SHTN1: variants seen among roughly 807,000 people sequenced by gnomAD.
SHTN1 encodes the protein shootin-1.
SHTN1 carries 42 observed loss-of-function variants against 83.1 expected under a neutral mutation model. The observed-to-expected ratio is 0.51, with a 90% CI of 0.39 to 0.65. The LOEUF (loss-of-function observed/expected upper bound fraction) is 0.65. Among genes scored for constraint, SHTN1 ranks in the 30% least tolerant of loss-of-function variants. The pLI is 0.00. For missense variants in SHTN1, 622 were observed against 737.8 expected, an observed-to-expected ratio of 0.84 and a Z score of 1.82; for synonymous variants, 224 against 247.7, an observed-to-expected ratio of 0.90 and a Z score of 0.90.
chr10:117,052,782 G>A (rs898937231), intron 1 of SHTN1, among the ~76,000 whole-genome samples: 5 of 151,734 alleles, frequency 3.3e-5, no homozygotes, highest in Middle Eastern at 3.4e-3. Flanking sequence ...CACTTTGGGA[G>A]GCTGAGGCAG....
At chr10:117,094,340 T>C (rs1251689567) in intron 1 of SHTN1, among the ~76,000 whole-genome samples, 2 of 152,188 alleles carry the variant, frequency 1.3e-5, no homozygotes, top group Non-Finnish European at 2.9e-5. Flanking sequence ...TGTAGGAAGA[T>C]CTTACCTTGC....
At chr10:116,905,959 G>A (rs1007855966) in intron 15 of SHTN1, among the ~76,000 whole-genome samples, 5 of 152,270 alleles carry the variant, frequency 3.3e-5, no homozygotes, top group Middle Eastern at 3.4e-3. Context: ...CTCCAGACTC[G>A]CTCAGATGGT....
intron 16 of SHTN1, among the ~76,000 whole-genome samples, chr10:116,889,003 CTT>C (rs1847250704): frequency 6.6e-6 from 1 of 152,244 alleles, no homozygotes; most frequent in Admixed American, 6.5e-5. Flanking sequence ...TGGGCCCACT[CTT>C]ATGTAAGCCA....
intron 1 of SHTN1, among the ~76,000 whole-genome samples, chr10:117,110,417 T>C (rs1853748358): frequency 6.6e-6 from 1 of 152,206 alleles, no homozygotes; most frequent in Non-Finnish European, 1.5e-5. Flanking sequence ...AGTGGCACCA[T>C]CTCGGCTCAC....
intron 14 of SHTN1, among the ~76,000 whole-genome samples, chr10:116,907,108 C>A (rs1466232098): frequency 4.6e-5 from 7 of 152,122 alleles, no homozygotes; most frequent in Non-Finnish European, 1.0e-4. Context: ...ATTAAACTCA[C>A]CTTAGAAGGA....
At chr10:117,052,912 C>T (rs1361526769) in intron 1 of SHTN1, among the ~76,000 whole-genome samples, 7 of 149,630 alleles carry the variant, frequency 4.7e-5, no homozygotes, top group Admixed American at 2.0e-4. Flanking sequence ...CCCAGCTACT[C>T]GGGAGGCTGA....
intron 1 of SHTN1, among the ~76,000 whole-genome samples, chr10:117,063,442 A>G (rs915548130): frequency 6.6e-6 from 1 of 152,192 alleles, no homozygotes; most frequent in African/African-American, 2.4e-5. Flanking sequence ...ATGGTGTGGA[A>G]AATGCTTCCT....
chr10:117,039,603 C>G (rs1852552976), intron 2 of SHTN1, among the ~76,000 whole-genome samples: 1 of 151,742 alleles, frequency 6.6e-6, no homozygotes, highest in African/African-American at 2.4e-5. Flanking sequence ...GCCTATAATC[C>G]CAGCACTTTG....
upstream of SHTN1, among the ~76,000 whole-genome samples, chr10:117,009,757 A>G (rs1168304040): frequency 6.6e-6 from 1 of 152,016 alleles, no homozygotes; most frequent in East Asian, 1.9e-4. Context: ...ACAAAAAATT[A>G]GCCGGGCGTG....
upstream of SHTN1, among the ~76,000 whole-genome samples, chr10:117,009,585 T>C (rs568817527): frequency 1.3e-5 from 2 of 152,088 alleles, no homozygotes; most frequent in Admixed American, 6.6e-5. Flanking sequence ...AAAGGGTTGA[T>C]TCGGTAAGAA....
chr10:117,126,436 A>T (rs1854010301), exon 1 of SHTN1: 1 of 227,236 alleles, frequency 4.4e-6, no homozygotes, highest in East Asian at 1.5e-4. Context: ...CCTCCTTTCT[A>T]GCCCTAGCAC....
intron 3 of SHTN1, 71 bp from the exon 4 acceptor site, chr10:116,960,301 T>C: frequency 1.2e-6 from 1 of 845,596 alleles, no homozygotes. Flanking sequence ...CCACGCATCG[T>C]CCCATGATTA....
chr10:116,947,004 A>G (rs1027977615), intron 7 of SHTN1, among the ~76,000 whole-genome samples: 3 of 151,974 alleles, frequency 2.0e-5, no homozygotes, highest in East Asian at 3.9e-4. Context: ...TACAGGTGTG[A>G]GCCACCGCGC....
chr10:117,075,697 C>A (rs972712575), intron 1 of SHTN1, among the ~76,000 whole-genome samples: 1 of 151,762 alleles, frequency 6.6e-6, no homozygotes. Flanking sequence ...TCAACTAGGA[C>A]CTGAAGGAAG....
intron 1 of SHTN1, among the ~76,000 whole-genome samples, chr10:116,987,298 C>T (rs1851253116): frequency 6.6e-6 from 1 of 152,174 alleles, no homozygotes; most frequent in African/African-American, 2.4e-5. Context: ...CACAGAACTA[C>T]AGAACACTTC....
At chr10:116,960,040 G>T in intron 4 of SHTN1, 96 bp downstream of exon 4, 1 of 688,964 alleles carries the variant, frequency 1.5e-6, no homozygotes, top group South Asian at 1.7e-5. Flanking sequence ...TAATCGATTA[G>T]AGAAGTAGAA....
At chr10:116,983,463 T>C (rs888900905) in intron 1 of SHTN1, among the ~76,000 whole-genome samples, 3 of 152,200 alleles carry the variant, frequency 2.0e-5, no homozygotes, top group East Asian at 1.9e-4. Flanking sequence ...TGCAAACAAT[T>C]TGTTGCAGTA....
At position 116,954,035 on chromosome 10, in the gene SHTN1, G is replaced by T; in HGVS notation, c.436+7C>A. On this transcript the variant is annotated splice_region_variant and intron_variant, in intron 5 of 16. Transcript: ENST00000355371. ...AATATGCTCAATAATTAAGCAAAGA[G>T]TTCTACCTTTAATTTGCTTCTGACA... The T allele has an allele frequency of 1.2e-6, 2 of 1,603,252 alleles. No homozygotes were observed. The highest frequency in any genetic ancestry group is 1.7e-6 in the Non-Finnish European group (2 of 1,176,276).
At chr10:117,082,422 C>T (rs1421464525) in intron 1 of SHTN1, among the ~76,000 whole-genome samples, 14 of 149,644 alleles carry the variant, frequency 9.4e-5, no homozygotes, top group Admixed American at 2.7e-4. Context: ...AATTTCTGTT[C>T]TTTTACATTT....
Sources: allele counts gnomAD v4.1 joint callset (sites outside exome capture counted in the v4.1 genomes callset), GRCh38; gene constraint gnomAD v4.1.1; transcripts MANE v1.5; gene names NCBI Gene and HGNC (gene_info 2026-07-23, HGNC 2026-07-21).